Variants in RBMS3 observed in about 807,000 individuals in gnomAD.
The protein encoded by RBMS3 is RNA-binding motif, single-stranded-interacting protein 3.
A neutral mutation model predicts 66.8 loss-of-function variants in RBMS3; 27 were observed. The ratio of observed to expected loss-of-function variants is 0.40; its 90% CI spans 0.30 to 0.56. The LOEUF (loss-of-function observed/expected upper bound fraction) is 0.56. Among genes scored for constraint, RBMS3 ranks in the 20% least tolerant of loss-of-function variants. The probability of loss-of-function intolerance (pLI) is 0.40; values close to 1 mark genes in which losing one functional copy is unlikely to be tolerated. For synonymous variants in RBMS3, 188 were observed against 183.0 expected, an observed-to-expected ratio of 1.03 and a Z score of -0.22; for missense variants, 513 against 549.5, an observed-to-expected ratio of 0.93 and a Z score of 0.66.
At chr3:29,520,091 C>A (rs1473159211) in intron 3 of RBMS3, among the ~76,000 whole-genome samples, 1 of 152,006 alleles carries the variant, frequency 6.6e-6, no homozygotes, top group African/African-American at 2.4e-5. Flanking sequence ...CAACCTAGTC[C>A]CAATATTAAG....
chr3:29,828,782 TCC>T (rs2058275439), intron 6 of RBMS3, among the ~76,000 whole-genome samples: 2 of 152,154 alleles, frequency 1.3e-5, no homozygotes, highest in African/African-American at 4.8e-5. Context: ...GATTTTTTTT[TCC>T]ACTGTGTGTG....
At chr3:29,711,565 C>T (rs1027911699) in intron 4 of RBMS3, among the ~76,000 whole-genome samples, 4 of 152,066 alleles carry the variant, frequency 2.6e-5, no homozygotes, top group African/African-American at 9.7e-5. Flanking sequence ...ACCACCTAAT[C>T]CGACCATTTT....
Position 29,610,781 on chromosome 3 carries a change from A to G in RBMS3, c.399+23576A>G, listed in dbSNP as rs138543064. 1.6e-3 allele frequency among the ~76,000 whole-genome samples: 248 copies of G among 152,182 alleles called. 1 individual carries two copies. Among genetic ancestry groups the G allele is most frequent in the African/African-American group, 5.8e-3 (242 of 41,544 alleles). On this transcript the variant is annotated intron_variant, in intron 4 of 14. Transcript: ENST00000383767. ...CCAGCTGTGAATAGAGCATGACACC[A>G]TATTTTTGAAGGAGAAGTACTTCTG...
intron 10 of RBMS3, among the ~76,000 whole-genome samples, chr3:29,917,370 T>C (rs977997630): frequency 6.6e-6 from 1 of 152,066 alleles, no homozygotes; most frequent in Non-Finnish European, 1.5e-5. Context: ...AAAAGGTCAT[T>C]CTTTCTCTCT....
chr3:29,804,639 A>T (rs1289731865), intron 6 of RBMS3, among the ~76,000 whole-genome samples: 1 of 152,040 alleles, frequency 6.6e-6, no homozygotes, highest in Non-Finnish European at 1.5e-5. Context: ...TTTTTAAAAA[A>T]TGCTGCCATA....
intron 6 of RBMS3, among the ~76,000 whole-genome samples, chr3:29,784,526 C>T (rs1445056760): frequency 6.6e-6 from 1 of 152,006 alleles, no homozygotes; most frequent in Non-Finnish European, 1.5e-5. Context: ...CTCTGGGATA[C>T]ACTAAAAGTG....
At chr3:29,565,726 A>G (rs532701488) in intron 3 of RBMS3, among the ~76,000 whole-genome samples, 69 of 152,318 alleles carry the variant, frequency 4.5e-4, no homozygotes, top group African/African-American at 1.6e-3. Context: ...CTTGTTTTCA[A>G]TGCATATTTG....
At chr3:29,503,157 A>G (rs932366227) in intron 3 of RBMS3, among the ~76,000 whole-genome samples, 1 of 152,132 alleles carries the variant, frequency 6.6e-6, no homozygotes, top group African/African-American at 2.4e-5. Context: ...GATAAAGTTT[A>G]ATCCAAAGAC....
chr3:29,661,543 C>T (rs2050549792), intron 4 of RBMS3, among the ~76,000 whole-genome samples: 1 of 151,828 alleles, frequency 6.6e-6, no homozygotes. Context: ...ACTACTGTTT[C>T]TGTTAATATC....
At chr3:29,808,224 C>T (rs568148026) in intron 6 of RBMS3, among the ~76,000 whole-genome samples, 2 of 151,960 alleles carry the variant, frequency 1.3e-5, no homozygotes, top group African/African-American at 4.8e-5. Flanking sequence ...TATTTCAATA[C>T]CTCTGTAGCT....
chr3:29,635,766 T>A (rs1012212999), intron 4 of RBMS3, among the ~76,000 whole-genome samples: 2 of 151,910 alleles, frequency 1.3e-5, no homozygotes, highest in Non-Finnish European at 2.9e-5. Flanking sequence ...TTAGGGTTTC[T>A]AGTAGCTTTT....
intron 2 of RBMS3, among the ~76,000 whole-genome samples, chr3:29,465,286 A>T (rs186241260): frequency 7.8e-4 from 119 of 152,286 alleles, no homozygotes; most frequent in African/African-American, 2.6e-3. Flanking sequence ...ATCATTTTTA[A>T]CTGTGCCAGC....
At chr3:29,425,369 G>A (rs372753682) in intron 1 of RBMS3, among the ~76,000 whole-genome samples, 93 of 151,516 alleles carry the variant, frequency 6.1e-4, no homozygotes, top group African/African-American at 2.2e-3. Context: ...GTGAGATTCC[G>A]TCTCAAAAAA....
At chr3:29,697,587 G>A (rs2052337935) in intron 4 of RBMS3, among the ~76,000 whole-genome samples, 1 of 152,220 alleles carries the variant, frequency 6.6e-6, no homozygotes, top group South Asian at 2.1e-4. Context: ...CCTGGGACCA[G>A]AAGTGTTTCA....
chr3:29,467,516 G>A (rs1220654435), intron 2 of RBMS3, among the ~76,000 whole-genome samples: 1 of 152,126 alleles, frequency 6.6e-6, no homozygotes, highest in Admixed American at 6.5e-5. Context: ...GGTTCAGTAT[G>A]TTTGGGATGG....
intron 3 of RBMS3, among the ~76,000 whole-genome samples, chr3:29,514,650 C>CATATAT (rs10601940): frequency 0.039 from 4,046 of 103,548 alleles, 149 homozygotes; most frequent in East Asian, 0.16. Context: ...GTGATAGGCA[C>CATATAT]ATATATATAT....
At chr3:29,838,709 T>A (rs2058590857) in intron 6 of RBMS3, among the ~76,000 whole-genome samples, 1 of 152,196 alleles carries the variant, frequency 6.6e-6, no homozygotes, top group Admixed American at 6.5e-5. Context: ...AACTGGCAAT[T>A]TATTAATCTT....
At chr3:29,587,580 G>T (rs2047578640) in intron 4 of RBMS3, among the ~76,000 whole-genome samples, 1 of 151,598 alleles carries the variant, frequency 6.6e-6, no homozygotes, top group Non-Finnish European at 1.5e-5. Flanking sequence ...ATGTGTCTTG[G>T]ACTTCTACTG....
intron 3 of RBMS3, among the ~76,000 whole-genome samples, chr3:29,493,327 G>A (rs982918913): frequency 1.3e-5 from 2 of 152,216 alleles, no homozygotes; most frequent in Non-Finnish European, 2.9e-5. Context: ...GATCCAGGCT[G>A]CCTGGGTTGA....
Sources: allele counts gnomAD v4.1 joint callset (sites outside exome capture counted in the v4.1 genomes callset), GRCh38; gene constraint gnomAD v4.1.1; transcripts MANE v1.5; gene names NCBI Gene and HGNC (gene_info 2026-07-23, HGNC 2026-07-21).